SYN3: variants seen among roughly 807,000 people sequenced by gnomAD.
SYN3 encodes the protein synapsin-3.
In SYN3, 35 loss-of-function variants were observed where a neutral mutation model predicts 65.8. The ratio of observed to expected loss-of-function variants is 0.53; its 90% CI spans 0.41 to 0.70. The LOEUF (loss-of-function observed/expected upper bound fraction) is 0.70. SYN3 is among the 30% of genes least tolerant of loss of function. The probability of loss-of-function intolerance (pLI) is 0.00; values close to 1 mark genes in which losing one functional copy is unlikely to be tolerated. For synonymous variants in SYN3, 270 were observed against 292.9 expected (o/e 0.92, Z 0.80); for missense variants, 680 against 749.0 (o/e 0.91, Z 1.08).
chr22:32,870,491 A>G (rs2040438), intron 4 of SYN3, among the ~76,000 whole-genome samples: 40,128 of 152,078 alleles, frequency 0.26, 5,479 homozygotes, highest in African/African-American at 0.31. Context: ...GCTATTTCCA[A>G]TATTTCATAT....
chr22:32,742,132 C>T (rs896705772), intron 6 of SYN3, among the ~76,000 whole-genome samples: 1 of 151,984 alleles, frequency 6.6e-6, no homozygotes, highest in South Asian at 2.1e-4. Context: ...AAAAATTAGC[C>T]GGGCATGGTG....
rs903453771 is a variant in SYN3 at position 32,596,840 on chromosome 22, G to A, written c.712-104C>T. 12 of 1,173,996 alleles carry A rather than the reference G, an allele frequency of 1.0e-5. No individual in the cohort carries two copies. The African/African-American group carries it at 1.5e-4, about 15-fold the overall frequency. 72.7% of individuals were successfully genotyped at this position (1,173,996 alleles called of 1,614,324 possible). A position where few individuals can be genotyped will look rare whatever the true frequency, so the allele number is the denominator to read the frequency against. On this transcript the variant is annotated intron_variant, in intron 6 of 13. Transcript: ENST00000358763. ...AAAGATCCATTCATTTCATATGGTC[G>A]GGAATCCCCACAAGAATGCTTCGAC...
At chr22:32,828,043 C>T (rs1234510071) in intron 6 of SYN3, among the ~76,000 whole-genome samples, 1 of 152,208 alleles carries the variant, frequency 6.6e-6, no homozygotes, top group East Asian at 1.9e-4. Flanking sequence ...ATTGTTTGGC[C>T]TGATTCCTCC....
chr22:32,529,484 G>T (rs1021895811), intron 10 of SYN3, among the ~76,000 whole-genome samples: 1 of 152,186 alleles, frequency 6.6e-6, no homozygotes, highest in Non-Finnish European at 1.5e-5. Flanking sequence ...AAAGAGGGAA[G>T]AGGAAAGGCC....
chr22:32,546,843 G>T (rs906238367), intron 7 of SYN3, among the ~76,000 whole-genome samples: 2 of 151,732 alleles, frequency 1.3e-5, no homozygotes, highest in Admixed American at 6.6e-5. Context: ...TGCCTCCCTC[G>T]CCCCTCTTCT....
At chr22:32,859,873 C>T (rs895600300) in intron 6 of SYN3, 4 of 177,186 alleles carry the variant, frequency 2.3e-5, no homozygotes, top group African/African-American at 9.6e-5. Context: ...AGCAGATAGA[C>T]TCAAGGTGTG....
At chr22:32,900,504 GAACAACAAA>G (rs2049728099) in intron 4 of SYN3, among the ~76,000 whole-genome samples, 1 of 152,156 alleles carries the variant, frequency 6.6e-6, no homozygotes, top group Non-Finnish European at 1.5e-5. Context: ...ATTTGGCAGT[GAACAACAAA>G]AACAACAAAA....
intron 6 of SYN3, among the ~76,000 whole-genome samples, chr22:32,618,566 T>C (rs8136042): frequency 0.27 from 40,464 of 151,872 alleles, 8,194 homozygotes; most frequent in African/African-American, 0.56. Context: ...ATGTTCATTT[T>C]CCCCCCTTTC....
At chr22:32,984,315 A>T (rs2052462043) in intron 2 of SYN3, among the ~76,000 whole-genome samples, 1 of 152,214 alleles carries the variant, frequency 6.6e-6, no homozygotes. Flanking sequence ...TCTACCCAGC[A>T]CGTGGCAGCA....
chr22:32,841,260 T>G (rs777061855), intron 6 of SYN3, among the ~76,000 whole-genome samples: 1 of 152,060 alleles, frequency 6.6e-6, no homozygotes, highest in Non-Finnish European at 1.5e-5. Flanking sequence ...TGGGGAGAGA[T>G]GATCAGTAAA....
At chr22:32,608,179 C>T (rs1028955061) in intron 6 of SYN3, among the ~76,000 whole-genome samples, 3 of 152,186 alleles carry the variant, frequency 2.0e-5, no homozygotes, top group Non-Finnish European at 2.9e-5. Flanking sequence ...GCGATTCCCC[C>T]ACCTCAGCCT....
At chr22:32,588,058 T>TA (rs1409619228) in intron 7 of SYN3, among the ~76,000 whole-genome samples, 1 of 152,180 alleles carries the variant, frequency 6.6e-6, no homozygotes, top group African/African-American at 2.4e-5. Context: ...CATATATACA[T>TA]ATAGCACTGA....
chr22:32,992,526 A>AT (rs761713532), intron 2 of SYN3, among the ~76,000 whole-genome samples: 9 of 152,080 alleles, frequency 5.9e-5, no homozygotes, highest in African/African-American at 2.2e-4. Context: ...TAAAAAATTC[A>AT]TCTCTGCCAG....
intron 6 of SYN3, among the ~76,000 whole-genome samples, chr22:32,682,749 G>C (rs117950408): frequency 0.26 from 13,211 of 51,298 alleles, 1,535 homozygotes; most frequent in East Asian, 0.69. Context: ...ATTTATTCTG[G>C]GTGATGTTAT....
chr22:32,507,851 G>C lies in SYN3; in HGVS notation c.*5841C>G, dbSNP rs1041915340. Among the ~76,000 whole-genome samples, 1 of 151,810 alleles carries C rather than the reference G, an allele frequency of 6.6e-6. No individual in the cohort carries two copies. Among genetic ancestry groups the C allele is most frequent in the Non-Finnish European group, 1.5e-5 (1 of 68,006 alleles). ...TCACCAATCATTCTACACAACAAAT[G>C]TTTCTTCTAACATCCCCACAATATC... is the stretch of plus-strand genomic sequence containing the variant. On this transcript the variant is annotated 3_prime_UTR_variant, in exon 14 of 14. Transcript: ENST00000358763.
At chr22:32,769,450 T>A (rs1472094344) in intron 6 of SYN3, among the ~76,000 whole-genome samples, 1 of 152,162 alleles carries the variant, frequency 6.6e-6, no homozygotes, top group Non-Finnish European at 1.5e-5. Context: ...TCACTCTTGA[T>A]TCTCATCAGC....
At chr22:32,777,037 A>C (rs1225112486) in intron 6 of SYN3, among the ~76,000 whole-genome samples, 1 of 152,112 alleles carries the variant, frequency 6.6e-6, no homozygotes, top group Non-Finnish European at 1.5e-5. Flanking sequence ...GCCTGAATCC[A>C]GCCTTGTACC....
At chr22:32,893,001 G>A (rs2049494581) in intron 4 of SYN3, among the ~76,000 whole-genome samples, 1 of 152,164 alleles carries the variant, frequency 6.6e-6, no homozygotes, top group Admixed American at 6.5e-5. Context: ...CAAGAATTCT[G>A]ATAGTCTGGA....
intron 1 of SYN3, among the ~76,000 whole-genome samples, chr22:33,054,610 G>A (rs2054225598): frequency 6.6e-6 from 1 of 152,110 alleles, no homozygotes. Flanking sequence ...TCTGTTTTCT[G>A]TCTCTATGGA....
Sources: gnomAD v4.1 joint callset for allele counts (sites outside exome capture counted in the v4.1 genomes callset) on GRCh38, gnomAD v4.1.1 for gene constraint, MANE v1.5 for transcripts, NCBI Gene and HGNC (gene_info 2026-07-23, HGNC 2026-07-21) for gene names.